Variants in IL1RAPL1 observed in about 807,000 individuals in gnomAD.
IL1RAPL1 encodes the protein interleukin 1 receptor accessory protein like 1.
A neutral mutation model predicts 48.4 loss-of-function variants in IL1RAPL1; 3 were observed. That is an observed-to-expected ratio of 0.06 (90% CI 0.03 to 0.16). The LOEUF is 0.16. Ranked by LOEUF, IL1RAPL1 falls within the 10% of genes least tolerant of loss-of-function variation. The probability of loss-of-function intolerance (pLI) is 1.00; values close to 1 mark genes in which losing one functional copy is unlikely to be tolerated. For synonymous variants in IL1RAPL1, 185 were observed against 187.7 expected, an observed-to-expected ratio of 0.99 and a Z score of 0.12; for missense variants, 349 against 530.6, an observed-to-expected ratio of 0.66 and a Z score of 3.36.
chrX:29,159,103 T>C (rs183431756), intron 2 of IL1RAPL1, among the ~76,000 whole-genome samples: 1,204 of 108,428 alleles, frequency 0.011, 19 homozygotes, highest in African/African-American at 0.038. Context: ...CATTTCTTCA[T>C]CTGTAACAAG....
At chrX:29,803,027 A>G (rs1292519392) in intron 6 of IL1RAPL1, among the ~76,000 whole-genome samples, 1 of 62,211 alleles carries the variant, frequency 1.6e-5, no homozygotes, top group African/African-American at 6.7e-5. Context: ...GTACATATAC[A>G]TGTATGCATA....
Position 29,661,391 on chromosome X carries a change from T to G in IL1RAPL1, c.704-7039T>G, listed in dbSNP as rs763422481. On this transcript the variant is annotated intron_variant, in intron 5 of 10. Coordinates refer to ENST00000378993, the MANE Select transcript of IL1RAPL1 (RefSeq NM_014271.4). Reference sequence around the variant, plus strand: ...AGTGGTAAAAGTGGACATCTTTGTCTTGTTCCAGATCTGAGTGGAAAGGCT... The same window carrying G: ...AGTGGTAAAAGTGGACATCTTTGTCGTGTTCCAGATCTGAGTGGAAAGGCT... 8.0e-5 allele frequency among the ~76,000 whole-genome samples: 9 copies of G among 112,456 alleles called. No homozygotes were observed. In the South Asian group the frequency reaches 3.3e-3, roughly 41 times the overall value.
chrX:29,585,908 TGTAGGA>T (rs1923142249), intron 5 of IL1RAPL1, among the ~76,000 whole-genome samples: 1 of 112,219 alleles, frequency 8.9e-6, no homozygotes, highest in Non-Finnish European at 1.9e-5. Flanking sequence ...GCTATTGAGT[TGTAGGA>T]GTTCCTTATG....
At chrX:28,779,860 A>G (rs944389258) in intron 1 of IL1RAPL1, among the ~76,000 whole-genome samples, 7 of 108,301 alleles carry the variant, frequency 6.5e-5, no homozygotes, top group African/African-American at 2.3e-4. Flanking sequence ...AAGATATAAA[A>G]TGAACTTTTG....
At chrX:29,104,095 A>G (rs1203351496) in intron 2 of IL1RAPL1, among the ~76,000 whole-genome samples, 1 of 111,983 alleles carries the variant, frequency 8.9e-6, no homozygotes, top group Non-Finnish European at 1.9e-5. Flanking sequence ...TAGAACTACC[A>G]TATGATCTTG....
rs773315237 is a variant in IL1RAPL1, at chrX:29,829,756, A to C, written c.779-87708A>C. Among the ~76,000 whole-genome samples, 24 of 112,224 alleles carry C rather than the reference A, an allele frequency of 2.1e-4. No homozygotes were observed. In the South Asian group the frequency reaches 8.9e-3, roughly 41 times the overall value. On this transcript the variant is annotated intron_variant, in intron 6 of 10. Coordinates refer to ENST00000378993, the MANE Select transcript of IL1RAPL1 (RefSeq NM_014271.4). ...TCTACAAAGTACCAAAAATTATATTAATATTTTGATCTAATCTAGAAAAAT... is the reference window on the plus strand; with the variant it reads ...TCTACAAAGTACCAAAAATTATATTCATATTTTGATCTAATCTAGAAAAAT...
At chrX:28,924,950 G>A (rs1289700601) in intron 2 of IL1RAPL1, among the ~76,000 whole-genome samples, 2 of 111,362 alleles carry the variant, frequency 1.8e-5, no homozygotes, top group African/African-American at 3.3e-5. Context: ...TTATCATAAC[G>A]AGTGTTGCCA....
intron 2 of IL1RAPL1, among the ~76,000 whole-genome samples, chrX:28,951,351 G>T (rs1295370406): frequency 1.9e-5 from 2 of 106,040 alleles, no homozygotes; most frequent in African/African-American, 6.9e-5. Flanking sequence ...AGACTGGAAG[G>T]AATTTTTTAT....
At chrX:28,691,223 T>G (rs1482152308) in intron 1 of IL1RAPL1, among the ~76,000 whole-genome samples, 1 of 111,084 alleles carries the variant, frequency 9.0e-6, no homozygotes, top group Non-Finnish European at 1.9e-5. Flanking sequence ...ACCAACTTCT[T>G]TAAGTCATTT....
chrX:29,537,460 G>C (rs1023284631), intron 5 of IL1RAPL1, among the ~76,000 whole-genome samples: 11 of 109,563 alleles, frequency 1.0e-4, no homozygotes, highest in Non-Finnish European at 1.1e-4. Flanking sequence ...TATAAGGAAG[G>C]AATAAATGCA....
intron 1 of IL1RAPL1, among the ~76,000 whole-genome samples, chrX:28,726,742 A>G (rs192990765): frequency 1.6e-3 from 184 of 111,657 alleles, no homozygotes; most frequent in African/African-American, 5.8e-3. Flanking sequence ...CCCACTTTAC[A>G]GATGAGGAAA....
At chrX:29,376,378 AT>A (rs749841466) in intron 3 of IL1RAPL1, among the ~76,000 whole-genome samples, 8 of 104,517 alleles carry the variant, frequency 7.7e-5, no homozygotes, top group East Asian at 3.0e-4. Context: ...GTATAGTTTT[AT>A]TTTTTTTTTT....
At position 29,913,286 on chromosome X, in the gene IL1RAPL1, G is replaced by T. The variant is rs773427532; in HGVS notation, c.779-4178G>T. 3.6e-5 allele frequency among the ~76,000 whole-genome samples: 4 copies of T among 110,341 alleles called. No homozygotes were observed. The South Asian group carries it at 1.6e-3, about 43-fold the overall frequency. On this transcript the variant is annotated intron_variant, in intron 6 of 10. Transcript: ENST00000378993. ...TACAATTAAGAGAAACCACTGAAAA[G>T]CCTCTTCACAGAACAAAGCACTGCT...
intron 5 of IL1RAPL1, among the ~76,000 whole-genome samples, chrX:29,418,152 T>A: frequency 1.2e-5 from 1 of 81,048 alleles, no homozygotes; most frequent in Admixed American, 1.6e-4. Flanking sequence ...TGAGATGGAG[T>A]CTTGCTCTGT....
intron 6 of IL1RAPL1, among the ~76,000 whole-genome samples, chrX:29,827,415 G>A (rs572058376): frequency 8.9e-6 from 1 of 112,353 alleles, no homozygotes; most frequent in African/African-American, 3.2e-5. Flanking sequence ...GATACAAAGT[G>A]AGAGTTTACA....
intron 1 of IL1RAPL1, among the ~76,000 whole-genome samples, chrX:28,611,058 G>A (rs1262381916): frequency 1.8e-5 from 2 of 111,355 alleles, no homozygotes; most frequent in African/African-American, 3.3e-5. Context: ...TACTGACGGT[G>A]GTGGAAGCAT....
chrX:29,828,649 T>C (rs1930797087), intron 6 of IL1RAPL1, among the ~76,000 whole-genome samples: 1 of 111,975 alleles, frequency 8.9e-6, no homozygotes, highest in Non-Finnish European at 1.9e-5. Flanking sequence ...TTGAGATGCC[T>C]ATTTTATCTG....
chrX:29,157,842 CTAT>C (rs1280784354), intron 2 of IL1RAPL1, among the ~76,000 whole-genome samples: 1 of 111,615 alleles, frequency 9.0e-6, no homozygotes, highest in Non-Finnish European at 1.9e-5. Context: ...CTTAATAAAG[CTAT>C]TATTGTCATT....
At chrX:29,028,690 A>G (rs1373544017) in intron 2 of IL1RAPL1, among the ~76,000 whole-genome samples, 1 of 111,164 alleles carries the variant, frequency 9.0e-6, no homozygotes, top group Non-Finnish European at 1.9e-5. Flanking sequence ...TTAACACAAT[A>G]ACACAATATC....
Sources: gnomAD v4.1 joint callset for allele counts (sites outside exome capture counted in the v4.1 genomes callset) on GRCh38, gnomAD v4.1.1 for gene constraint, MANE v1.5 for transcripts, NCBI Gene and HGNC (gene_info 2026-07-23, HGNC 2026-07-21) for gene names.